Variants in SERPINE2 observed in about 807,000 individuals in gnomAD.
SERPINE2 encodes glia-derived nexin.
In SERPINE2, 14 loss-of-function variants were observed where a neutral mutation model predicts 36.3. The observed-to-expected ratio is 0.39, with a 90% CI of 0.25 to 0.60. SERPINE2 has a LOEUF of 0.60. Ranked by LOEUF, SERPINE2 falls within the 20% of genes least tolerant of loss-of-function variation. SERPINE2 has a pLI of 0.57. For missense variants in SERPINE2, 418 were observed against 499.6 expected (o/e 0.84, Z 1.56); for synonymous variants, 192 against 191.8 (o/e 1.00, Z -0.01).
At chr2:224,028,989 A>T (rs1369939946) in intron 1 of SERPINE2, among the ~76,000 whole-genome samples, 2 of 152,222 alleles carry the variant, frequency 1.3e-5, no homozygotes, top group African/African-American at 4.8e-5. Flanking sequence ...TGCATTGGAA[A>T]AACTATGTCT....
intron 1 of SERPINE2, chr2:224,031,576 A>G (rs982665533): frequency 1.1e-5 from 9 of 847,690 alleles, no homozygotes; most frequent in African/African-American, 1.8e-5. Flanking sequence ...ACCTAGCATC[A>G]GCCAATCACA....
chr2:224,029,083 A>G (rs887156639), intron 1 of SERPINE2, among the ~76,000 whole-genome samples: 1 of 152,266 alleles, frequency 6.6e-6, no homozygotes, highest in Non-Finnish European at 1.5e-5. Flanking sequence ...GCTGCACAAG[A>G]ACAGATTTAT....
chr2:224,015,085 G>A (rs7560470), intron 1 of SERPINE2, among the ~76,000 whole-genome samples: 13 of 151,884 alleles, frequency 8.6e-5, no homozygotes, highest in South Asian at 8.3e-4. Flanking sequence ...TCTGCTAGGT[G>A]GGGGGAGGCC....
chr2:224,037,570 AG>A (rs1692575528), intron 1 of SERPINE2, among the ~76,000 whole-genome samples: 1 of 152,194 alleles, frequency 6.6e-6, no homozygotes, highest in East Asian at 1.9e-4. Flanking sequence ...ATAGCCCAAG[AG>A]CCAAAGTCCC....
In SERPINE2 at chr2:224,009,241, G is replaced by A. The variant is rs896288196; in HGVS notation, c.-22-7319C>T. On this transcript the variant is annotated intron_variant, in intron 1 of 8. Transcript: ENST00000409304. ...CCTTCTCAGGCACTGGGAAAGTCTC[G>A]CCATCCTTCTAGTCTCTGTGTTGCT... is the stretch of plus-strand genomic sequence containing the variant. Among the ~76,000 whole-genome samples the A allele has an allele frequency of 5.9e-5, 9 of 152,108 alleles. No individual in the cohort carries two copies. In the East Asian group the frequency reaches 1.2e-3, roughly 20 times the overall value.
intron 1 of SERPINE2, among the ~76,000 whole-genome samples, chr2:224,012,092 T>G (rs1022587110): frequency 3.3e-5 from 5 of 152,176 alleles, no homozygotes; most frequent in African/African-American, 1.2e-4. Context: ...GGTCTGCTTG[T>G]TAACTGACTC....
intron 1 of SERPINE2, among the ~76,000 whole-genome samples, chr2:224,008,904 T>C (rs1691520448): frequency 6.6e-6 from 1 of 152,146 alleles, no homozygotes; most frequent in Non-Finnish European, 1.5e-5. Context: ...CAAACATCAC[T>C]GGAAAATCAA....
intron 1 of SERPINE2, among the ~76,000 whole-genome samples, chr2:224,022,291 C>T (rs1266527642): frequency 6.8e-6 from 1 of 146,784 alleles, no homozygotes; most frequent in Admixed American, 6.8e-5. Flanking sequence ...CAGATCACAC[C>T]ACTGTGCTCT....
chr2:224,000,455 C>A (rs1290668587), intron 2 of SERPINE2, among the ~76,000 whole-genome samples: 1 of 152,148 alleles, frequency 6.6e-6, no homozygotes, highest in Non-Finnish European at 1.5e-5. Context: ...CAAACTAAAT[C>A]TTTTTCATTG....
chr2:224,022,961 A>AC (rs938640577), intron 1 of SERPINE2, among the ~76,000 whole-genome samples: 5 of 152,092 alleles, frequency 3.3e-5, no homozygotes, highest in African/African-American at 1.2e-4. Context: ...CTGTCCTGTC[A>AC]CCCTGTGAAG....
At chr2:224,037,638 G>A (rs1422846321) in intron 1 of SERPINE2, among the ~76,000 whole-genome samples, 3 of 152,140 alleles carry the variant, frequency 2.0e-5, no homozygotes, top group African/African-American at 7.2e-5. Flanking sequence ...ATGCACCCAG[G>A]GACGTGGCCA....
intron 4 of SERPINE2, among the ~76,000 whole-genome samples, chr2:223,991,046 C>G (rs995615778): frequency 2.6e-5 from 4 of 152,070 alleles, no homozygotes; most frequent in African/African-American, 9.7e-5. Flanking sequence ...TACTGAAGAT[C>G]CTCTGAGACC....
intron 1 of SERPINE2, among the ~76,000 whole-genome samples, chr2:224,015,010 G>T (rs1277677827): frequency 6.6e-6 from 1 of 151,692 alleles, no homozygotes; most frequent in East Asian, 1.9e-4. Flanking sequence ...CCACTAGGTG[G>T]GGGCCAGGGA....
intron 1 of SERPINE2, among the ~76,000 whole-genome samples, chr2:224,011,447 C>G (rs961286835): frequency 6.6e-6 from 1 of 152,156 alleles, no homozygotes; most frequent in African/African-American, 2.4e-5. Context: ...TTCTTTTTAT[C>G]AGTACCTAGA....
At chr2:224,031,599 T>C (rs1387327312) in intron 1 of SERPINE2, 6 of 642,228 alleles carry the variant, frequency 9.3e-6, no homozygotes, top group Non-Finnish European at 1.2e-5. Flanking sequence ...ACCTCACTCC[T>C]CTGCCCACAG....
chr2:224,026,788 G>C (rs1490854509), intron 1 of SERPINE2, among the ~76,000 whole-genome samples: 1 of 152,134 alleles, frequency 6.6e-6, no homozygotes, highest in African/African-American at 2.4e-5. Flanking sequence ...GTGTATTCCC[G>C]TGTCTTGCTG....
At position 224,039,119 on chromosome 2, in the gene SERPINE2, G is replaced by A. The variant is rs1017125005; in HGVS notation, c.-43C>T. The stretch of plus-strand genomic sequence containing the variant: ...CTCACCGCGCTCGCTGGATCCCCAG[G>A]GGGCGGCCGCGGAGGGCGGTGCGGC... On this transcript the variant is annotated 5_prime_UTR_variant, in exon 1 of 9. Transcript: ENST00000409304. This position sits in a 1 kb window ranked among gnomAD's most constrained non-coding sequence, Gnocchi z 5.2. 2 of 150,968 alleles carry A rather than the reference G, an allele frequency of 1.3e-5. No homozygotes were observed. The highest frequency in any genetic ancestry group is 4.8e-5 in the African/African-American group (2 of 41,308). 9.4% of individuals were successfully genotyped at this position (150,968 alleles called of 1,614,324 possible).
chr2:223,983,753 TG>T (rs751074323), intron 5 of SERPINE2, among the ~76,000 whole-genome samples: 55,601 of 144,086 alleles, frequency 0.39, 11,979 homozygotes, highest in Non-Finnish European at 0.5. Flanking sequence ...TGTGTGTGTG[TG>T]TGTGTGTGTG....
intron 1 of SERPINE2, among the ~76,000 whole-genome samples, chr2:224,002,585 C>T (rs1691224777): frequency 6.6e-6 from 1 of 151,670 alleles, no homozygotes; most frequent in Non-Finnish European, 1.5e-5. Context: ...CTCCGCCTCC[C>T]GGGTTCAAGT....
Sources: allele counts gnomAD v4.1 joint callset (sites outside exome capture counted in the v4.1 genomes callset), GRCh38; gene constraint gnomAD v4.1.1; non-coding constraint Gnocchi (gnomAD v3.1); transcripts MANE v1.5; gene names NCBI Gene and HGNC (gene_info 2026-07-23, HGNC 2026-07-21).